The following DPY19L3 variants were observed in gnomAD, a reference collection of about 807,000 sequenced individuals.
The protein encoded by DPY19L3 is dpy-19 like C-mannosyltransferase 3, also known as protein C-mannosyl-transferase DPY19L3.
In DPY19L3, 51 loss-of-function variants were observed where a neutral mutation model predicts 92.3. The observed-to-expected ratio is 0.55, with a 90% CI of 0.44 to 0.70. The LOEUF is 0.70. Ranked by LOEUF, DPY19L3 falls within the 30% of genes least tolerant of loss-of-function variation. The probability of loss-of-function intolerance (pLI) is 0.00; values close to 1 mark genes in which losing one functional copy is unlikely to be tolerated. For synonymous variants in DPY19L3, 309 were observed against 315.2 expected, an observed-to-expected ratio of 0.98 and a Z score of 0.21; for missense variants, 706 against 855.9, an observed-to-expected ratio of 0.82 and a Z score of 2.18.
chr19:32,480,737 C>T lies in DPY19L3; in HGVS notation c.1989+180C>T, dbSNP rs7252745. On this transcript the variant is annotated intron_variant, in intron 18 of 18. Transcript: ENST00000392250. The stretch of plus-strand genomic sequence containing the variant: ...CTCTTGGCACTTTAGTGACTGCCAC[C>T]GGGGCTGGGCAAGGGAGAGGTGAGA... 3,261 of 844,372 alleles carry T rather than the reference C, an allele frequency of 3.9e-3. 67 individuals carry two copies. In the African/African-American group the frequency reaches 0.041, roughly 11 times the overall value. 52.3% of individuals were successfully genotyped at this position (844,372 alleles called of 1,614,324 possible).
At position 32,473,258 on chromosome 19, in the gene DPY19L3, G is replaced by T. The variant is rs375984841; in HGVS notation, c.1698-4264G>T. On this transcript the variant is annotated intron_variant, in intron 16 of 18. Transcript: ENST00000392250. ...TTCTTACAGAACAAATTGTGTGCAG[G>T]TTGGGCAGCCTGCTATGGAGCTTGG... 7.2e-4 allele frequency among the ~76,000 whole-genome samples: 109 copies of T among 152,330 alleles called. No homozygotes were observed. In the Middle Eastern group the frequency reaches 0.02, roughly 29 times the overall value.
intron 16 of DPY19L3, among the ~76,000 whole-genome samples, chr19:32,474,729 T>TA (rs1970455409): frequency 6.6e-6 from 1 of 152,172 alleles, no homozygotes; most frequent in Non-Finnish European, 1.5e-5. Flanking sequence ...TAGCTGGCAT[T>TA]ACAGGCACCC....
rs1208444065 is a variant in DPY19L3, at chr19:32,462,678, G to A, written c.1323-688G>A. On this transcript the variant is annotated intron_variant, in intron 12 of 18. Transcript: ENST00000392250. Reference sequence around the variant, plus strand: ...ACAAATGGCCTGTTTTTTAAAAAAAGGAGATACTTTTATAGATCAAAAGAT... The same window carrying A: ...ACAAATGGCCTGTTTTTTAAAAAAAAGAGATACTTTTATAGATCAAAAGAT... Among the ~76,000 whole-genome samples, 4 of 152,102 alleles carry A rather than the reference G, an allele frequency of 2.6e-5. No individual in the cohort carries two copies. In the South Asian group the frequency reaches 6.2e-4, roughly 24 times the overall value.
chr19:32,480,428 A>G lies in DPY19L3; in HGVS notation c.1860A>G (p.Pro620=), dbSNP rs756372642. 6.2e-7 allele frequency: 1 copy of G among 1,613,468 alleles called. No individual in the cohort carries two copies. Among genetic ancestry groups the G allele is most frequent in the Non-Finnish European group, 8.5e-7 (1 of 1,179,764 alleles). ...AVYQIYAKRA[P]EEVHALLRSF... The stretch of plus-strand genomic sequence containing the variant: ...ATCAGATATATGCCAAGAGGGCACC[A>G]GAGGAAGTGCATGCCCTCCTAAGGT... The change falls in exon 18 of 19, where the codon CCA becomes CCG. Residue 620 remains proline (P), a synonymous_variant. Coordinates refer to ENST00000392250, the MANE Select transcript of DPY19L3 (RefSeq NM_001172774.2).
intron 16 of DPY19L3, among the ~76,000 whole-genome samples, chr19:32,470,551 A>G (rs557169481): frequency 1.3e-5 from 2 of 152,302 alleles, no homozygotes; most frequent in East Asian, 3.9e-4. Flanking sequence ...CGGCAGTCTC[A>G]GACTAGATAT....
chr19:32,430,078 G>A lies in DPY19L3; in HGVS notation c.238-2638G>A, dbSNP rs78901697. Among the ~76,000 whole-genome samples, 540 of 152,222 alleles carry A rather than the reference G, an allele frequency of 3.5e-3. 5 individuals are homozygous for A. Among genetic ancestry groups the A allele is most frequent in the African/African-American group, 0.012 (503 of 41,528 alleles). ...CATTATGTAGTAGCCTTTTTATAAC[G>A]CAAGTGTGTTATTGAAATTAAATTT... On this transcript the variant is annotated intron_variant, in intron 3 of 18. Coordinates refer to ENST00000392250, the MANE Select transcript of DPY19L3 (RefSeq NM_001172774.2).
At chr19:32,418,207 T>A (rs1196902591) in intron 3 of DPY19L3, among the ~76,000 whole-genome samples, 1 of 152,040 alleles carries the variant, frequency 6.6e-6, no homozygotes, top group Non-Finnish European at 1.5e-5. Flanking sequence ...GAGCTCAGAG[T>A]CGTATCCATT....
chr19:32,479,173 G>A (rs531690423), intron 17 of DPY19L3, among the ~76,000 whole-genome samples: 1 of 152,286 alleles, frequency 6.6e-6, no homozygotes, highest in Admixed American at 6.5e-5. Context: ...CTAATCTCCT[G>A]TCTTGTATAA....
Position 32,448,323 on chromosome 19 carries a change from C to T in DPY19L3, c.856-4822C>T, listed in dbSNP as rs191062319. On this transcript the variant is annotated intron_variant, in intron 8 of 18. Coordinates refer to ENST00000392250, the MANE Select transcript of DPY19L3 (RefSeq NM_001172774.2). ...GGTGATGAGGAGCATGGACACGATC[C>T]ATTGAAGACAGCTGTAGTTATTCTA... Among the ~76,000 whole-genome samples the T allele has an allele frequency of 1.4e-4, 22 of 152,146 alleles. 1 individual carries two copies. The highest frequency in any genetic ancestry group is 5.1e-4 in the African/African-American group (21 of 41,518).
intron 8 of DPY19L3, among the ~76,000 whole-genome samples, chr19:32,447,724 G>A (rs916610237): frequency 3.5e-5 from 1 of 28,396 alleles, no homozygotes; most frequent in Non-Finnish European, 6.9e-5. Context: ...CTCATTCATA[G>A]ATAGATAGAT....
chr19:32,457,563 TTA>T (rs1183959192), intron 10 of DPY19L3, among the ~76,000 whole-genome samples: 1 of 152,248 alleles, frequency 6.6e-6, no homozygotes, highest in Non-Finnish European at 1.5e-5. Context: ...TAAAATAGAA[TTA>T]TATGAGTTAA....
chr19:32,408,222 A>G lies in DPY19L3; in HGVS notation c.-32A>G. The G allele has an allele frequency of 2.0e-6, 3 of 1,526,050 alleles. No individual in the cohort carries two copies. Among genetic ancestry groups the G allele is most frequent in the Non-Finnish European group, 1.8e-6 (2 of 1,104,222 alleles). 94.5% of individuals were successfully genotyped at this position (1,526,050 alleles called of 1,614,324 possible). On this transcript the variant is annotated 5_prime_UTR_variant, in exon 2 of 19. Coordinates refer to ENST00000392250, the MANE Select transcript of DPY19L3 (RefSeq NM_001172774.2). ...GCCTGTTTATTGCTATCTAGGAGTG[A>G]TTTGGAGAACAATGCATGTAAGTCT... is the stretch of plus-strand genomic sequence containing the variant.
intron 17 of DPY19L3, 96 bp downstream of exon 17, chr19:32,477,750 C>T: frequency 1.1e-5 from 16 of 1,487,656 alleles, no homozygotes; most frequent in Non-Finnish European, 1.4e-5. Flanking sequence ...GCTGCACCCT[C>T]CAGCATTAGG....
intron 3 of DPY19L3, among the ~76,000 whole-genome samples, chr19:32,414,346 G>A (rs973205492): frequency 6.6e-6 from 1 of 151,914 alleles, no homozygotes; most frequent in Non-Finnish European, 1.5e-5. Context: ...GCGTGAACCT[G>A]GGAGGCGGAG....
chr19:32,477,370 A>C (rs1250006300), intron 16 of DPY19L3, 152 bp from the exon 17 acceptor site: 2 of 1,009,144 alleles, frequency 2.0e-6, no homozygotes, highest in African/African-American at 3.2e-5. Context: ...TTGAGTACAA[A>C]TCAAAACCGA....
intron 8 of DPY19L3, among the ~76,000 whole-genome samples, chr19:32,447,252 A>G (rs11084648): frequency 0.59 from 89,203 of 152,022 alleles, 26,522 homozygotes; most frequent in East Asian, 0.63. Flanking sequence ...CAGTATTAAG[A>G]AGAAAATGTG....
rs773341319 is a variant in DPY19L3, at chr19:32,480,409, T to TATATGCCA, written c.1843_1850dup (p.Lys617AsnfsTer14). ...TATGTCTTTTTGAAGGTTTATCAGA[T>TATATGCCA]ATATGCCAAGAGGGCACCAGAGGAA... On this transcript the variant is annotated frameshift_variant, in exon 18 of 19. Coordinates refer to ENST00000392250, the MANE Select transcript of DPY19L3 (RefSeq NM_001172774.2). LOFTEE classifies it high-confidence loss of function. The TATATGCCA allele has an allele frequency of 1.9e-5, 31 of 1,609,832 alleles. No individual in the cohort carries two copies. Among genetic ancestry groups the TATATGCCA allele is most frequent in the Non-Finnish European group, 2.5e-5 (29 of 1,178,708 alleles).
Position 32,411,248 on chromosome 19 carries a change from G to A in DPY19L3, c.113G>A (p.Ser38Asn). ...LENKLPSGCT[S>N]RRLWKILSLT... ...TCCATTTTTCCAAAAGGTTGTACCA[G>A]TAGAAGATTATGGAAGATTTTGTCA... is the stretch of plus-strand genomic sequence containing the variant. The change falls in exon 3 of 19, where the codon AGT becomes AAT. Residue 38 changes from serine (S) to asparagine (N), a missense_variant. Physicochemically the swap from Ser to Asn is conservative, Grantham distance 46. Coordinates refer to ENST00000392250, the MANE Select transcript of DPY19L3 (RefSeq NM_001172774.2). 6.2e-7 allele frequency: 1 copy of A among 1,611,172 alleles called. No homozygotes were observed.
intron 4 of DPY19L3, among the ~76,000 whole-genome samples, chr19:32,435,265 C>T (rs1363479357): frequency 6.6e-6 from 1 of 152,216 alleles, no homozygotes; most frequent in Admixed American, 6.5e-5. Flanking sequence ...TTTATTACCT[C>T]CTGTAGGCCC....
Sources: allele counts gnomAD v4.1 joint callset (sites outside exome capture counted in the v4.1 genomes callset), GRCh38; gene constraint gnomAD v4.1.1; transcripts MANE v1.5; gene names NCBI Gene and HGNC (gene_info 2026-07-23, HGNC 2026-07-21).